SPNS3: variants seen among roughly 807,000 people sequenced by gnomAD.
SPNS3 encodes SPNS lysolipid transporter 3, sphingosine-1-phosphate (putative).
In SPNS3, 51 loss-of-function variants were observed where a neutral mutation model predicts 54.4. The observed-to-expected ratio is 0.94, with a 90% CI of 0.75 to 1.18. The LOEUF (loss-of-function observed/expected upper bound fraction) is 1.18. Among genes scored for constraint, SPNS3 ranks in the 50% most tolerant of loss-of-function variants. The pLI is 0.00. For missense variants in SPNS3, 669 were observed against 677.4 expected (o/e 0.99, Z 0.14); for synonymous variants, 309 against 294.7 (o/e 1.05, Z -0.50).
At chr17:4,475,649 A>T (rs924024) in intron 8 of SPNS3, among the ~76,000 whole-genome samples, 1 of 151,996 alleles carries the variant, frequency 6.6e-6, no homozygotes, top group Non-Finnish European at 1.5e-5. Flanking sequence ...ACTGGGCAGG[A>T]ACAGAGATGT....
intron 8 of SPNS3, among the ~76,000 whole-genome samples, chr17:4,458,617 C>CTTTCT (rs1555530827): frequency 1.4e-4 from 16 of 110,616 alleles, no homozygotes; most frequent in African/African-American, 4.9e-4. Flanking sequence ...TTCTTTCTTT[C>CTTTCT]TTTCTTTCTT....
Position 4,483,180 on chromosome 17 carries a change from C to T in SPNS3, c.1180-3048C>T, listed in dbSNP as rs1188220262. 1.3e-5 allele frequency among the ~76,000 whole-genome samples: 2 copies of T among 152,212 alleles called. No homozygotes were observed. The highest frequency in any genetic ancestry group is 2.9e-5 in the Non-Finnish European group (2 of 68,034). ...GAGGCCTGGGTGGGGGTGCAGGAGG[C>T]AGGCTGCCTGGTGGCTGCTGCTCCG... On this transcript the variant is annotated intron_variant, in intron 9 of 11. Transcript: ENST00000355530. The surrounding 1 kb of genome is among the most constrained non-coding windows in gnomAD (Gnocchi z 4.2).
intron 8 of SPNS3, among the ~76,000 whole-genome samples, chr17:4,467,065 C>T (rs1189057024): frequency 6.6e-6 from 1 of 151,896 alleles, no homozygotes; most frequent in Admixed American, 6.6e-5. Context: ...TGTGCGGAGG[C>T]CCTGAGGGAG....
chr17:4,480,107 C>G (rs576222881), intron 9 of SPNS3, among the ~76,000 whole-genome samples: 18 of 152,214 alleles, frequency 1.2e-4, no homozygotes, highest in Admixed American at 1.2e-3. Context: ...TGCCCCTCCC[C>G]GGCAGATCCC....
rs1231261869 is a variant in SPNS3 at position 4,449,279 on chromosome 17, T to C, written c.815T>C (p.Phe272Ser). ...ACCCTCGGAGTGACCGCCATGGCCT[T>C]TGTGACTGGAGCCCTGGGGTTCTGG... ...WSTLGVTAMAFVTGALGFWAP... is the reference protein window; with the variant it reads ...WSTLGVTAMASVTGALGFWAP... Residue 272 changes from phenylalanine to serine, a missense_variant, in exon 7 of 12, where the codon TTT becomes TCT. Transcript: ENST00000355530. 2 of 1,612,676 alleles carry C rather than the reference T, an allele frequency of 1.2e-6. No individual in the cohort carries two copies. The highest frequency in any genetic ancestry group is 1.3e-5 in the African/African-American group (1 of 74,974).
chr17:4,440,647 G>A (rs376349224), intron 2 of SPNS3, among the ~76,000 whole-genome samples: 1 of 152,184 alleles, frequency 6.6e-6, no homozygotes, highest in Non-Finnish European at 1.5e-5. Flanking sequence ...GTCTACCATG[G>A]TAAACAGAAA....
intron 2 of SPNS3, among the ~76,000 whole-genome samples, chr17:4,443,268 A>T (rs1160935898): frequency 1.3e-5 from 2 of 151,902 alleles, no homozygotes; most frequent in Non-Finnish European, 2.9e-5. Context: ...ATGGGATTTT[A>T]CCATGTTGGC....
intron 8 of SPNS3, among the ~76,000 whole-genome samples, chr17:4,465,851 T>G (rs1179338000): frequency 6.6e-6 from 1 of 152,206 alleles, no homozygotes; most frequent in African/African-American, 2.4e-5. Flanking sequence ...GCCCCAGGGT[T>G]TCCTTCTCTT....
chr17:4,467,490 G>A (rs191125406), intron 8 of SPNS3, among the ~76,000 whole-genome samples: 10 of 152,072 alleles, frequency 6.6e-5, no homozygotes, highest in Middle Eastern at 3.4e-3. Context: ...GCTGTCCCCT[G>A]GGTCCCCTTC....
At position 4,448,156 on chromosome 17, in the gene SPNS3, T is replaced by G; in HGVS notation, c.623T>G (p.Val208Gly). Reference sequence around the variant, plus strand: ...CTTCCTGGGCCCTCCTGTCCCCAGGTCATGCCCTGCCTGGAGGCCGTGGCC... The same window carrying G: ...CTTCCTGGGCCCTCCTGTCCCCAGGGCATGCCCTGCCTGGAGGCCGTGGCC... ...LTGNWRWALR[V>G]MPCLEAVALI... The change falls in exon 6 of 12, where the codon GTC becomes GGC. Residue 208 changes from valine to glycine, a missense_variant and splice_region_variant. Transcript: ENST00000355530. 1.3e-6 allele frequency: 2 copies of G among 1,590,280 alleles called. No homozygotes were observed. Among genetic ancestry groups the G allele is most frequent in the African/African-American group, 2.7e-5 (2 of 73,846 alleles).
intron 8 of SPNS3, among the ~76,000 whole-genome samples, chr17:4,457,323 T>C (rs1971341435): frequency 1.3e-5 from 2 of 152,172 alleles, no homozygotes; most frequent in Non-Finnish European, 2.9e-5. Flanking sequence ...GCCCCAGTGA[T>C]AGAGGCTGCA....
chr17:4,468,755 T>TTCTTTCTTTCTTTCTTTCTTTCTC (rs1555531906), intron 8 of SPNS3, among the ~76,000 whole-genome samples: 4 of 144,060 alleles, frequency 2.8e-5, no homozygotes, highest in African/African-American at 8.4e-5. Context: ...CTTTCTTTCT[T>TTCTTTCTTTCTTTCTTTCTTTCTC]TCTTTCTCTC....
chr17:4,478,120 A>T (rs750110979), intron 8 of SPNS3, among the ~76,000 whole-genome samples: 1 of 151,430 alleles, frequency 6.6e-6, no homozygotes, highest in Non-Finnish European at 1.5e-5. Flanking sequence ...TACAGGTGTG[A>T]GCCACCACAC....
chr17:4,462,798 C>T lies in SPNS3; in HGVS notation c.1113+9593C>T, dbSNP rs1298889966. Among the ~76,000 whole-genome samples, 178 of 144,056 alleles carry T rather than the reference C, an allele frequency of 1.2e-3. 10 individuals carry two copies. Among genetic ancestry groups the T allele is most frequent in the African/African-American group, 4.7e-3 (172 of 36,312 alleles). 94.5% of individuals were successfully genotyped at this position (144,056 alleles called of 152,430 possible). On this transcript the variant is annotated intron_variant, in intron 8 of 11. Transcript: ENST00000355530. ...CCATCCATCCATCCATCCATCCATC[C>T]ATCCACCAATCTATCCATCCATCCA...
chr17:4,447,336 C>A (rs909016400), intron 5 of SPNS3, among the ~76,000 whole-genome samples: 1 of 152,184 alleles, frequency 6.6e-6, no homozygotes, highest in East Asian at 1.9e-4. Context: ...AGAGTAGGCC[C>A]TTGAGGACTG....
chr17:4,465,461 C>T (rs549321033), intron 8 of SPNS3, among the ~76,000 whole-genome samples: 12 of 152,198 alleles, frequency 7.9e-5, no homozygotes, highest in African/African-American at 2.4e-4. Context: ...TGCGCAGTGG[C>T]TCATGCTTGT....
At chr17:4,439,045 G>A (rs1003105938) in intron 1 of SPNS3, among the ~76,000 whole-genome samples, 15 of 152,104 alleles carry the variant, frequency 9.9e-5, no homozygotes, top group African/African-American at 3.6e-4. Context: ...GAGGAGGGAA[G>A]GAGCCGTGTG....
chr17:4,460,644 T>A (rs9889867), intron 8 of SPNS3, among the ~76,000 whole-genome samples: 5 of 150,836 alleles, frequency 3.3e-5, no homozygotes, highest in Middle Eastern at 6.8e-3. Flanking sequence ...GGGTTTCACC[T>A]TGTTAGCCAG....
chr17:4,448,254 G>T lies in SPNS3; in HGVS notation c.721G>T (p.Gly241Ter). ...AAETQGEGAV[G>*]GFRSSWCEDV... The stretch of plus-strand genomic sequence containing the variant: ...CGAGACACAGGGGGAGGGGGCCGTG[G>T]GAGGCTTCAGGAGCAGCTGGTGTGA... The change falls in exon 6 of 12, where the codon GGA becomes TGA. Residue 241 changes from glycine (G) to a stop codon, truncating the protein, a stop_gained. Coordinates refer to ENST00000355530, the MANE Select transcript of SPNS3 (RefSeq NM_182538.5). LOFTEE classifies it high-confidence loss of function. The T allele has an allele frequency of 6.3e-7, 1 of 1,598,480 alleles. No individual in the cohort carries two copies. Among genetic ancestry groups the T allele is most frequent in the Non-Finnish European group, 8.5e-7 (1 of 1,173,404 alleles).
Sources: allele counts gnomAD v4.1 joint callset (sites outside exome capture counted in the v4.1 genomes callset), GRCh38; gene constraint gnomAD v4.1.1; non-coding constraint Gnocchi (gnomAD v3.1); transcripts MANE v1.5; gene names NCBI Gene and HGNC (gene_info 2026-07-23, HGNC 2026-07-21).